TSPAN15: variants seen among roughly 807,000 people sequenced by gnomAD.
The protein encoded by TSPAN15 is tetraspanin 15.
A neutral mutation model predicts 34.5 loss-of-function variants in TSPAN15; 20 were observed. The ratio of observed to expected loss-of-function variants is 0.58; its 90% CI spans 0.41 to 0.84. TSPAN15 has a LOEUF of 0.84. TSPAN15 is among the 40% of genes least tolerant of loss of function. The probability of loss-of-function intolerance (pLI) is 0.00; values close to 1 mark genes in which losing one functional copy is unlikely to be tolerated. For synonymous variants in TSPAN15, 155 were observed against 153.9 expected (o/e 1.01, Z -0.05); for missense variants, 313 against 386.1 (o/e 0.81, Z 1.59).
chr10:69,485,418 A>C (rs1228220501), intron 3 of TSPAN15, among the ~76,000 whole-genome samples: 3 of 152,108 alleles, frequency 2.0e-5, no homozygotes, highest in African/African-American at 7.2e-5. Flanking sequence ...CCTGGGGAGG[A>C]GATGGGAGGC....
chr10:69,485,119 G>A (rs985824996), intron 2 of TSPAN15, 22 bp from the exon 3 acceptor site: 18 of 1,612,538 alleles, frequency 1.1e-5, no homozygotes, highest in Non-Finnish European at 1.4e-5. Flanking sequence ...CTCCAGGTGA[G>A]TCTCTGAATT....
the TSPAN15 span, among the ~76,000 whole-genome samples, chr10:69,516,280 T>C: frequency 6.6e-6 from 1 of 152,242 alleles, no homozygotes; most frequent in Admixed American, 6.5e-5. Flanking sequence ...AGCTGACTTA[T>C]TCAAGTCATA....
At chr10:69,508,088 G>C (rs967985791), downstream of TSPAN15, among the ~76,000 whole-genome samples, 1 of 152,080 alleles carries the variant, frequency 6.6e-6, no homozygotes, top group African/African-American at 2.4e-5. Context: ...TCAAACCTTC[G>C]GGCCAGAAGA....
At chr10:69,488,474 G>C (rs2133122983) in intron 3 of TSPAN15, among the ~76,000 whole-genome samples, 1 of 152,288 alleles carries the variant, frequency 6.6e-6, no homozygotes, top group South Asian at 2.1e-4. Context: ...GTAACTCTGA[G>C]TATCTACTTA....
chr10:69,488,841 A>G (rs981265124), intron 3 of TSPAN15, among the ~76,000 whole-genome samples: 1 of 152,206 alleles, frequency 6.6e-6, no homozygotes, highest in Non-Finnish European at 1.5e-5. Context: ...AAAGATCACA[A>G]GGCAAAGGGC....
chr10:69,481,279 G>A (rs896001729), intron 1 of TSPAN15, among the ~76,000 whole-genome samples: 6 of 152,126 alleles, frequency 3.9e-5, no homozygotes, highest in African/African-American at 1.4e-4. Context: ...AGTCCCTGCC[G>A]GCCTGTGTGT....
intron 4 of TSPAN15, among the ~76,000 whole-genome samples, chr10:69,496,999 A>C (rs993399049): frequency 6.6e-6 from 1 of 152,184 alleles, no homozygotes; most frequent in African/African-American, 2.4e-5. Context: ...TGCTTCATGC[A>C]TGGCACTCTA....
intron 5 of TSPAN15, among the ~76,000 whole-genome samples, chr10:69,501,324 T>C (rs1315804254): frequency 6.6e-6 from 1 of 152,184 alleles, no homozygotes; most frequent in African/African-American, 2.4e-5. Flanking sequence ...ATGAGAGCAC[T>C]GAGGTAGGGA....
the TSPAN15 span, among the ~76,000 whole-genome samples, chr10:69,543,859 G>A: frequency 7.5e-6 from 1 of 132,854 alleles, no homozygotes; most frequent in African/African-American, 3.0e-5. Flanking sequence ...GTGTGTGTGT[G>A]TGTGTGTGTG....
At chr10:69,494,053 A>G (rs1313081688) in intron 3 of TSPAN15, among the ~76,000 whole-genome samples, 2 of 151,970 alleles carry the variant, frequency 1.3e-5, no homozygotes, top group African/African-American at 2.4e-5. Flanking sequence ...GTTTCTTAGC[A>G]CCTTAAAGTG....
chr10:69,461,908 A>AC (rs1841267034), intron 1 of TSPAN15, among the ~76,000 whole-genome samples: 1 of 142,766 alleles, frequency 7.0e-6, no homozygotes, highest in Non-Finnish European at 1.5e-5. Context: ...ACACATGTCC[A>AC]CCACCCCCCC....
the TSPAN15 span, among the ~76,000 whole-genome samples, chr10:69,548,741 C>CT: frequency 6.6e-6 from 1 of 150,786 alleles, no homozygotes; most frequent in Non-Finnish European, 1.5e-5. Context: ...ATGAAGCTAA[C>CT]TAAAAAAAAA....
chr10:69,471,118 T>C (rs1392601263), intron 1 of TSPAN15, among the ~76,000 whole-genome samples: 6 of 152,232 alleles, frequency 3.9e-5, no homozygotes. Context: ...TATGTTTTTC[T>C]TACTTATTTG....
At chr10:69,539,575 C>A in the TSPAN15 span, among the ~76,000 whole-genome samples, 9 of 147,028 alleles carry the variant, frequency 6.1e-5, no homozygotes, top group African/African-American at 2.3e-4. Flanking sequence ...GAAGAAGACT[C>A]AGCCCCTGCA....
At chr10:69,454,859 G>A (rs894655577) in intron 1 of TSPAN15, among the ~76,000 whole-genome samples, 7 of 151,950 alleles carry the variant, frequency 4.6e-5, no homozygotes, top group African/African-American at 1.7e-4. Context: ...TGCATGCATG[G>A]GCTTGTTACA....
At chr10:69,512,015 C>T (rs1173710635), downstream of TSPAN15, among the ~76,000 whole-genome samples, 1 of 152,160 alleles carries the variant, frequency 6.6e-6, no homozygotes, top group East Asian at 1.9e-4. Flanking sequence ...GTGCGGCAAA[C>T]CACCATGGCA....
chr10:69,512,293 A>G (rs1842423046), downstream of TSPAN15, among the ~76,000 whole-genome samples: 1 of 152,170 alleles, frequency 6.6e-6, no homozygotes, highest in African/African-American at 2.4e-5. Context: ...TGTGCAGCCT[A>G]CATCATTTGT....
intron 1 of TSPAN15, among the ~76,000 whole-genome samples, chr10:69,478,978 G>A (rs572002429): frequency 6.6e-6 from 1 of 152,346 alleles, no homozygotes; most frequent in Admixed American, 6.5e-5. Flanking sequence ...GGATATTTCA[G>A]TTAGAGGTAA....
chr10:69,456,190 C>A (rs1398922980), intron 1 of TSPAN15, among the ~76,000 whole-genome samples: 1 of 151,624 alleles, frequency 6.6e-6, no homozygotes, highest in Non-Finnish European at 1.5e-5. Flanking sequence ...CAGGCTCAAG[C>A]GATTCTCCTG....
Sources: gnomAD v4.1 joint callset for allele counts (sites outside exome capture counted in the v4.1 genomes callset) on GRCh38, gnomAD v4.1.1 for gene constraint, MANE v1.5 for transcripts, NCBI Gene and HGNC (gene_info 2026-07-23, HGNC 2026-07-21) for gene names.